Variants in SDK1 observed in about 807,000 individuals in gnomAD.
The protein encoded by SDK1 is protein sidekick-1.
A neutral mutation model predicts 245.5 loss-of-function variants in SDK1; 157 were observed. The ratio of observed to expected loss-of-function variants is 0.64; its 90% CI spans 0.56 to 0.73. The LOEUF (loss-of-function observed/expected upper bound fraction) is 0.73, where lower values mean the gene tolerates loss of function less well. Among genes scored for constraint, SDK1 ranks in the 30% least tolerant of loss-of-function variants. The pLI is 0.00. For missense variants in SDK1, 3,583 were observed against 3,002.3 expected, an observed-to-expected ratio of 1.19 and a Z score of -4.52; for synonymous variants, 1,647 against 1,278.5, an observed-to-expected ratio of 1.29 and a Z score of -6.15.
chr7:3,571,477 A>C (rs183744992), intron 1 of SDK1, among the ~76,000 whole-genome samples: 1 of 151,636 alleles, frequency 6.6e-6, no homozygotes, highest in Non-Finnish European at 1.5e-5. Context: ...TAATTTAAAA[A>C]TTTTTTTTGT....
At chr7:3,475,203 C>T (rs1339197356) in intron 1 of SDK1, among the ~76,000 whole-genome samples, 1 of 152,160 alleles carries the variant, frequency 6.6e-6, no homozygotes, top group African/African-American at 2.4e-5. Flanking sequence ...CCTGAACTCT[C>T]CCTCCTGCTC....
chr7:3,335,482 C>T (rs901380657), intron 1 of SDK1, among the ~76,000 whole-genome samples: 1 of 149,918 alleles, frequency 6.7e-6, no homozygotes, highest in Non-Finnish European at 1.5e-5. Flanking sequence ...TGTTATTTTG[C>T]TTCTTGTGTT....
chr7:3,912,463 T>C (rs1021872107), intron 5 of SDK1, among the ~76,000 whole-genome samples: 1 of 152,200 alleles, frequency 6.6e-6, no homozygotes, highest in Non-Finnish European at 1.5e-5. Context: ...TCAAGAAACA[T>C]TGCATTCTGT....
At chr7:4,008,847 T>C (rs1785707581) in intron 14 of SDK1, among the ~76,000 whole-genome samples, 1 of 152,224 alleles carries the variant, frequency 6.6e-6, no homozygotes, top group Non-Finnish European at 1.5e-5. Context: ...TGAATAAAGC[T>C]GCTTTGAACC....
chr7:3,424,856 T>C (rs1005471328), intron 1 of SDK1, among the ~76,000 whole-genome samples: 1 of 152,130 alleles, frequency 6.6e-6, no homozygotes, highest in Admixed American at 6.6e-5. Context: ...ATGATAGCAC[T>C]ACTGCACTCC....
At chr7:3,693,495 G>A (rs952424942) in intron 4 of SDK1, among the ~76,000 whole-genome samples, 1 of 152,152 alleles carries the variant, frequency 6.6e-6, no homozygotes, top group Non-Finnish European at 1.5e-5. Flanking sequence ...ATTTCCTCCA[G>A]AAGTATTATC....
chr7:3,862,631 T>G (rs1181798704), intron 5 of SDK1, among the ~76,000 whole-genome samples: 1 of 152,208 alleles, frequency 6.6e-6, no homozygotes, highest in Non-Finnish European at 1.5e-5. Context: ...TTTCACTTAG[T>G]CTCTTCCTTA....
rs1181414141 is a variant in SDK1 at position 3,926,321 on chromosome 7, ACTTAG to A, written c.848-24600_848-24596del. On this transcript the variant is annotated intron_variant, in intron 5 of 44. Transcript: ENST00000404826. ...AAATGACAATCTGCACTTTATAGAC[ACTTAG>A]CATAGTGTCTGGCATACAGTAGGCA... Among the ~76,000 whole-genome samples, 12 of 152,166 alleles carry A rather than the reference ACTTAG, an allele frequency of 7.9e-5. 1 individual carries two copies. The highest frequency in any genetic ancestry group is 2.1e-4 in the South Asian group (1 of 4,836).
intron 4 of SDK1, among the ~76,000 whole-genome samples, chr7:3,773,977 G>A (rs941648837): frequency 6.6e-6 from 1 of 152,114 alleles, no homozygotes; most frequent in Non-Finnish European, 1.5e-5. Context: ...CACTTTGGGA[G>A]GCCAAGGTGG....
chr7:3,348,664 G>A lies in SDK1; in HGVS notation c.298+46780G>A, dbSNP rs558262398. 4.2e-3 allele frequency among the ~76,000 whole-genome samples: 633 copies of A among 152,264 alleles called. 7 individuals carry two copies. The highest frequency in any genetic ancestry group is 0.018 in the South Asian group (86 of 4,824). On this transcript the variant is annotated intron_variant, in intron 1 of 44. Coordinates refer to ENST00000404826, the MANE Select transcript of SDK1 (RefSeq NM_152744.4). ...CCTCAGCATCATTTAGTATCCCCAT[G>A]TAACCTGTGTATGTACCCCCAAATC...
chr7:3,571,265 C>G (rs6969407), intron 1 of SDK1, among the ~76,000 whole-genome samples: 2 of 151,740 alleles, frequency 1.3e-5, no homozygotes, highest in African/African-American at 4.8e-5. Context: ...GTTGTTCTTA[C>G]TGTAGATTAT....
chr7:3,606,925 T>C lies in SDK1; in HGVS notation c.299-12155T>C, dbSNP rs573054697. 3.3e-5 allele frequency among the ~76,000 whole-genome samples: 5 copies of C among 152,304 alleles called. 1 individual carries two copies. In the South Asian group the frequency reaches 8.3e-4, roughly 25 times the overall value. On this transcript the variant is annotated intron_variant, in intron 1 of 44. Coordinates refer to ENST00000404826, the MANE Select transcript of SDK1 (RefSeq NM_152744.4). ...ATGTACAACACTGAAAAAAGTGTTA[T>C]GTACAAACCTTCAAAAATCTATGGA... is the stretch of plus-strand genomic sequence containing the variant.
chr7:4,008,761 G>T (rs1785702328), intron 14 of SDK1, among the ~76,000 whole-genome samples: 1 of 152,090 alleles, frequency 6.6e-6, no homozygotes, highest in South Asian at 2.1e-4. Context: ...ATAAATTAAA[G>T]AATAAAAGAT....
intron 6 of SDK1, 30 bp from the exon 7 acceptor site, chr7:3,951,700 C>A (rs762172570): frequency 3.7e-6 from 6 of 1,600,706 alleles, no homozygotes; most frequent in East Asian, 2.2e-5. Context: ...GAGTCACAAT[C>A]GTCGTCATGA....
rs553581848 is a variant in SDK1, at chr7:4,188,098, G to A, written c.5098+9512G>A. Among the ~76,000 whole-genome samples the A allele has an allele frequency of 3.0e-4, 45 of 152,246 alleles. 1 individual carries two copies. Among genetic ancestry groups the A allele is most frequent in the Non-Finnish European group, 5.3e-4 (36 of 68,014 alleles). On this transcript the variant is annotated intron_variant, in intron 35 of 44. Transcript: ENST00000404826. The stretch of plus-strand genomic sequence containing the variant: ...CACTCCCATGATTCAATTCTCTCTC[G>A]CTGGGCCTCTTCCGCAACATGTGAG...
intron 35 of SDK1, among the ~76,000 whole-genome samples, chr7:4,180,341 A>G (rs1416657491): frequency 3.3e-5 from 5 of 150,314 alleles, no homozygotes; most frequent in Non-Finnish European, 7.4e-5. Flanking sequence ...CTCCAGCTCT[A>G]TGCCCAGCAC....
chr7:3,354,079 G>A (rs146457475), intron 1 of SDK1, among the ~76,000 whole-genome samples: 15,553 of 150,050 alleles, frequency 0.1, 1,008 homozygotes, highest in African/African-American at 0.18. Flanking sequence ...TGCAAGCTCC[G>A]CCTCCTGGGT....
At chr7:3,916,847 T>A (rs1436370549) in intron 5 of SDK1, among the ~76,000 whole-genome samples, 7 of 152,206 alleles carry the variant, frequency 4.6e-5, no homozygotes, top group Non-Finnish European at 1.0e-4. Context: ...ACAGACAGAT[T>A]GTCAGGGAGA....
chr7:4,160,975 A>G (rs1584331364), intron 31 of SDK1, among the ~76,000 whole-genome samples: 1 of 152,226 alleles, frequency 6.6e-6, no homozygotes, highest in East Asian at 1.9e-4. Flanking sequence ...GCCTGTGGGA[A>G]GAACATCGTC....
Sources: allele counts gnomAD v4.1 joint callset (sites outside exome capture counted in the v4.1 genomes callset), GRCh38; gene constraint gnomAD v4.1.1; transcripts MANE v1.5; gene names NCBI Gene and HGNC (gene_info 2026-07-23, HGNC 2026-07-21).